The following RALGAPA1 variants were observed in gnomAD, a reference collection of about 807,000 sequenced individuals.
RALGAPA1 encodes ral GTPase-activating protein subunit alpha-1.
In RALGAPA1, 52 loss-of-function variants were observed where a neutral mutation model predicts 269.6. The ratio of observed to expected loss-of-function variants is 0.19; its 90% CI spans 0.15 to 0.24. The LOEUF is 0.24. RALGAPA1 is among the 10% of genes least tolerant of loss of function. The probability of loss-of-function intolerance (pLI) is 1.00; values close to 1 mark genes in which losing one functional copy is unlikely to be tolerated. For synonymous variants in RALGAPA1, 817 were observed against 1,008.3 expected (o/e 0.81, Z 3.60); for missense variants, 1,917 against 3,013.9 (o/e 0.64, Z 8.52).
At chr14:35,598,423 T>C (rs1358824312) in intron 36 of RALGAPA1, among the ~76,000 whole-genome samples, 1 of 150,646 alleles carries the variant, frequency 6.6e-6, no homozygotes, top group African/African-American at 2.4e-5. Context: ...ATTTTATTTA[T>C]TTATTTATTT....
chr14:35,688,416 G>A (rs762268166), intron 18 of RALGAPA1, 43 bp downstream of exon 18: 2 of 1,535,390 alleles, frequency 1.3e-6, no homozygotes, highest in Non-Finnish European at 1.7e-6. Flanking sequence ...CCAAACTGGT[G>A]CTGTCTTTCT....
intron 26 of RALGAPA1, among the ~76,000 whole-genome samples, chr14:35,669,849 C>T (rs184255101): frequency 5.9e-5 from 9 of 152,208 alleles, no homozygotes; most frequent in Non-Finnish European, 8.8e-5. Flanking sequence ...ACATTCTGTA[C>T]GCAAGGGGAG....
rs530576211 is a variant in RALGAPA1 at position 35,797,351 on chromosome 14, C to CAAAAAA, written c.106+11373_106+11378dup. On this transcript the variant is annotated intron_variant, in intron 1 of 41. Coordinates refer to ENST00000680220, the MANE Select transcript of RALGAPA1 (RefSeq NM_001346249.2). ...CTGGTGACAGAGCGAGACTCCGTCTCAAAAAAAAAAAAAAAAAGATGCCAA... is the reference window on the plus strand; with the variant it reads ...CTGGTGACAGAGCGAGACTCCGTCTCAAAAAAAAAAAAAAAAAAAAAAAGATGCCAA... Among the ~76,000 whole-genome samples the CAAAAAA allele has an allele frequency of 1.3e-4, 8 of 60,134 alleles. 1 individual carries two copies. Among genetic ancestry groups the CAAAAAA allele is most frequent in the African/African-American group, 5.4e-4 (7 of 12,986 alleles). The allele number at this position is 60,134 out of a possible 152,430, so 39.5% of individuals were successfully genotyped here. A position where few individuals can be genotyped will look rare whatever the true frequency, so the allele number is the denominator to read the frequency against.
chr14:35,702,722 A>ATATAT (rs375786334), intron 16 of RALGAPA1, among the ~76,000 whole-genome samples: 47 of 115,474 alleles, frequency 4.1e-4, no homozygotes, highest in African/African-American at 1.3e-3. Flanking sequence ...AATTAAAAAA[A>ATATAT]AAAAATATAT....
intron 16 of RALGAPA1, 43 bp downstream of exon 16, chr14:35,721,645 T>C (rs987989438): frequency 1.1e-5 from 16 of 1,508,762 alleles, no homozygotes; most frequent in Non-Finnish European, 1.3e-5. Flanking sequence ...GGACTATAAA[T>C]GTAGTGCCCT....
intron 1 of RALGAPA1, among the ~76,000 whole-genome samples, chr14:35,796,155 C>T (rs1279473446): frequency 6.6e-6 from 1 of 151,990 alleles, no homozygotes; most frequent in South Asian, 2.1e-4. Context: ...TAGCTGTATT[C>T]CATATGTTCA....
chr14:35,769,623 T>A (rs1174683218), intron 4 of RALGAPA1, among the ~76,000 whole-genome samples: 1 of 151,926 alleles, frequency 6.6e-6, no homozygotes, highest in Non-Finnish European at 1.5e-5. Context: ...AAAGTTTATG[T>A]AATATTAAAA....
intron 11 of RALGAPA1, among the ~76,000 whole-genome samples, chr14:35,740,176 G>A (rs942944588): frequency 6.6e-6 from 1 of 152,036 alleles, no homozygotes; most frequent in African/African-American, 2.4e-5. Flanking sequence ...TCATGCTCTA[G>A]GATCATAGCA....
At chr14:35,570,841 GCTT>G in intron 38 of RALGAPA1, 97 bp from the exon 39 acceptor site, 3 of 1,131,282 alleles carry the variant, frequency 2.7e-6, no homozygotes, top group African/African-American at 1.6e-5. Context: ...TATTTCTGCT[GCTT>G]CTTTAGTTCT....
chr14:35,601,505 C>T (rs1490594289), intron 36 of RALGAPA1, among the ~76,000 whole-genome samples: 1 of 152,132 alleles, frequency 6.6e-6, no homozygotes, highest in Non-Finnish European at 1.5e-5. Flanking sequence ...TACAGTAGTG[C>T]AGTTATTATC....
At chr14:35,699,318 T>A (rs1383095193) in intron 17 of RALGAPA1, among the ~76,000 whole-genome samples, 4 of 150,898 alleles carry the variant, frequency 2.7e-5, no homozygotes, top group Non-Finnish European at 5.9e-5. Flanking sequence ...AGGGGAGGAG[T>A]GTGTGGTGAT....
At chr14:35,611,363 G>A (rs1320564400) in intron 35 of RALGAPA1, among the ~76,000 whole-genome samples, 1 of 152,106 alleles carries the variant, frequency 6.6e-6, no homozygotes, top group Non-Finnish European at 1.5e-5. Context: ...TCAGCTGGGT[G>A]TGGTTGCGTG....
chr14:35,796,318 A>C (rs913833198), intron 1 of RALGAPA1, among the ~76,000 whole-genome samples: 2 of 152,192 alleles, frequency 1.3e-5, no homozygotes, highest in Non-Finnish European at 2.9e-5. Flanking sequence ...ATAGCAATAG[A>C]AACTATCCAA....
At chr14:35,681,117 A>G (rs980473723) in intron 21 of RALGAPA1, among the ~76,000 whole-genome samples, 4 of 152,222 alleles carry the variant, frequency 2.6e-5, no homozygotes, top group African/African-American at 9.6e-5. Flanking sequence ...AGATGATTTC[A>G]GGACTACTAA....
At chr14:35,658,908 A>G (rs1303086812) in intron 28 of RALGAPA1, among the ~76,000 whole-genome samples, 1 of 152,130 alleles carries the variant, frequency 6.6e-6, no homozygotes, top group Non-Finnish European at 1.5e-5. Context: ...CATTTTAGAG[A>G]TAAAGAGTGA....
At position 35,582,188 on chromosome 14, in the gene RALGAPA1, G is replaced by A. The variant is rs78367994; in HGVS notation, c.7210-9470C>T. Reference sequence around the variant, plus strand: ...TAGAACTGGCAAATTCATAGAGGAAGTGGATTAGAGGTTACCAGGGGTAGT... The same window carrying A: ...TAGAACTGGCAAATTCATAGAGGAAATGGATTAGAGGTTACCAGGGGTAGT... On this transcript the variant is annotated intron_variant, in intron 37 of 41. Coordinates refer to ENST00000680220, the MANE Select transcript of RALGAPA1 (RefSeq NM_001346249.2). Among the ~76,000 whole-genome samples, 788 of 152,314 alleles carry A rather than the reference G, an allele frequency of 5.2e-3. 9 individuals carry two copies. Among genetic ancestry groups the A allele is most frequent in the African/African-American group, 0.018 (735 of 41,582 alleles).
In RALGAPA1 at chr14:35,775,797, T is replaced by C. The variant is rs187645192; in HGVS notation, c.107-52A>G. On this transcript the variant is annotated intron_variant, in intron 1 of 41. Coordinates refer to ENST00000680220, the MANE Select transcript of RALGAPA1 (RefSeq NM_001346249.2). ...TATTTACATGTATGTTAAATCAAGT[T>C]TAGCAAATATTCAGCGACAAGTTTC... is the stretch of plus-strand genomic sequence containing the variant. 2.4e-3 allele frequency: 3,447 copies of C among 1,424,614 alleles called. 180 individuals are homozygous for C. The Admixed American group carries it at 0.092, about 38-fold the overall frequency. The allele number at this position is 1,424,614 out of a possible 1,614,324, so 88.2% of individuals were successfully genotyped here.
chr14:35,664,602 A>G (rs1350125057), intron 27 of RALGAPA1, 40 bp downstream of exon 27: 4 of 1,496,746 alleles, frequency 2.7e-6, no homozygotes, highest in African/African-American at 1.4e-5. Flanking sequence ...TATGATTATA[A>G]AATCATTTAA....
chr14:35,636,683 G>T (rs927944637), intron 31 of RALGAPA1, among the ~76,000 whole-genome samples: 7 of 152,078 alleles, frequency 4.6e-5, no homozygotes, highest in Non-Finnish European at 1.0e-4. Context: ...ACTGTGCCCG[G>T]CTAAGTTTTG....
Sources: allele counts gnomAD v4.1 joint callset (sites outside exome capture counted in the v4.1 genomes callset), GRCh38; gene constraint gnomAD v4.1.1; transcripts MANE v1.5; gene names NCBI Gene and HGNC (gene_info 2026-07-23, HGNC 2026-07-21).